WDR89: variants seen among roughly 807,000 people sequenced by gnomAD.
WDR89 encodes the protein WD repeat domain 89.
In WDR89, 17 loss-of-function variants were observed where a neutral mutation model predicts 29.1. The observed-to-expected ratio is 0.58, with a 90% CI of 0.40 to 0.88. WDR89 has a LOEUF of 0.88. WDR89 is among the 40% of genes least tolerant of loss of function. The probability of loss-of-function intolerance (pLI) is 0.00; values close to 1 mark genes in which losing one functional copy is unlikely to be tolerated. For missense variants in WDR89, 396 were observed against 456.3 expected (o/e 0.87, Z 1.20); for synonymous variants, 138 against 157.8 (o/e 0.87, Z 0.94).
At chr14:63,635,950 T>C (rs1362137216) in intron 1 of WDR89, among the ~76,000 whole-genome samples, 2 of 152,190 alleles carry the variant, frequency 1.3e-5, no homozygotes, top group Non-Finnish European at 2.9e-5. Context: ...CTCAAGCCTA[T>C]AATCCCAGCA....
At chr14:63,612,745 T>C (rs1366765498) in intron 2 of WDR89, among the ~76,000 whole-genome samples, 1 of 151,734 alleles carries the variant, frequency 6.6e-6, no homozygotes, top group Admixed American at 6.6e-5. Flanking sequence ...ACTGAGGGAG[T>C]TGGTAGGCAA....
chr14:63,602,946 T>C (rs922032732), intron 2 of WDR89, among the ~76,000 whole-genome samples: 2 of 152,066 alleles, frequency 1.3e-5, no homozygotes, highest in Admixed American at 6.6e-5. Flanking sequence ...TTAGTGGAGA[T>C]GGGGTTTCAC....
rs79023061 is a variant in WDR89 at position 63,637,299 on chromosome 14, T to A, written c.-138+4505A>T. Among the ~76,000 whole-genome samples the A allele has an allele frequency of 4.5e-3, 680 of 152,312 alleles. 7 individuals carry two copies. The highest frequency in any genetic ancestry group is 0.015 in the African/African-American group (641 of 41,552). ...GTGGATGTGGTAAACAGGGAACACT[T>A]CCGCACTGCTGGTGGGAATGTAAAC... On this transcript the variant is annotated intron_variant, in intron 1 of 2. Transcript: ENST00000620954.
rs185458911 is a variant in WDR89, at chr14:63,641,777, C to T, written c.-138+27G>A. ...GAGAGGGCTGCCCATCCCGGGGACCCGCCCAGCCTGGCCCAGCAAAATGTA... is the reference window on the plus strand; with the variant it reads ...GAGAGGGCTGCCCATCCCGGGGACCTGCCCAGCCTGGCCCAGCAAAATGTA... On this transcript the variant is annotated intron_variant, in intron 1 of 2. Coordinates refer to ENST00000620954, the MANE Select transcript of WDR89 (RefSeq NM_080666.4). The T allele has an allele frequency of 2.3e-3, 348 of 152,644 alleles. 2 individuals are homozygous for T. The highest frequency in any genetic ancestry group is 1.6e-3 in the Non-Finnish European group (111 of 68,264). 9.5% of individuals were successfully genotyped at this position (152,644 alleles called of 1,614,324 possible).
chr14:63,617,107 T>C (rs1595027227), intron 2 of WDR89, among the ~76,000 whole-genome samples: 1 of 147,780 alleles, frequency 6.8e-6, no homozygotes, highest in Non-Finnish European at 1.5e-5. Context: ...TGAGACAGAG[T>C]TTTGCTCTTG....
At chr14:63,626,275 A>C (rs929851959) in intron 1 of WDR89, among the ~76,000 whole-genome samples, 4 of 152,218 alleles carry the variant, frequency 2.6e-5, no homozygotes, top group African/African-American at 9.6e-5. Flanking sequence ...TCAAAGGTTA[A>C]TACCCTTACT....
intron 1 of WDR89, among the ~76,000 whole-genome samples, chr14:63,630,256 CAT>C (rs1273586175): frequency 4.0e-5 from 6 of 151,714 alleles, no homozygotes; most frequent in Non-Finnish European, 8.8e-5. Flanking sequence ...CCCAGAGTCA[CAT>C]ATTAAATTGC....
chr14:63,603,075 G>C (rs957446018), intron 2 of WDR89, among the ~76,000 whole-genome samples: 1 of 152,062 alleles, frequency 6.6e-6, no homozygotes, highest in Admixed American at 6.6e-5. Flanking sequence ...GTTTAAAATA[G>C]AAATAAGCAT....
At chr14:63,633,008 A>T (rs1883507593) in intron 1 of WDR89, among the ~76,000 whole-genome samples, 1 of 152,140 alleles carries the variant, frequency 6.6e-6, no homozygotes, top group South Asian at 2.1e-4. Flanking sequence ...TACTAACTAT[A>T]TGTTTCAGTT....
chr14:63,630,644 C>G (rs1239994667), intron 1 of WDR89: 1 of 80,832 alleles, frequency 1.2e-5, no homozygotes, highest in East Asian at 3.4e-4. Flanking sequence ...CTCTGTCTCA[C>G]AAAAAAAAAA....
chr14:63,610,830 T>A (rs1259643951), intron 2 of WDR89, among the ~76,000 whole-genome samples: 1 of 151,498 alleles, frequency 6.6e-6, no homozygotes, highest in Non-Finnish European at 1.5e-5. Context: ...GCCTCCTGAG[T>A]AGCTAAGATT....
intron 1 of WDR89, among the ~76,000 whole-genome samples, chr14:63,627,150 A>ACACACACACACACT (rs1433982075): frequency 5.5e-5 from 7 of 127,188 alleles, no homozygotes; most frequent in African/African-American, 2.2e-4. Context: ...ACACACACAC[A>ACACACACACACACT]CTCTCTCTCT....
At chr14:63,600,717 C>CAAAAAAAAAAAAA (rs56059698) in intron 2 of WDR89, among the ~76,000 whole-genome samples, 1 of 36,144 alleles carries the variant, frequency 2.8e-5, no homozygotes, top group African/African-American at 5.9e-5. Flanking sequence ...GATATGTAGG[C>CAAAAAAAAAAAAA]AAAAAAAAAA....
At chr14:63,628,125 T>G (rs1403912593) in intron 1 of WDR89, among the ~76,000 whole-genome samples, 7 of 152,054 alleles carry the variant, frequency 4.6e-5, no homozygotes, top group Non-Finnish European at 7.4e-5. Flanking sequence ...CAATCTCAGC[T>G]ACTTGGGGGA....
Position 63,605,665 on chromosome 14 carries a change from G to A in WDR89, c.-31-5692C>T, listed in dbSNP as rs561417700. ...AGTAGAGACAGGGTTTCACCACGTT[G>A]GCCAGGCTGATCTCGAACTCCTGAC... is the stretch of plus-strand genomic sequence containing the variant. On this transcript the variant is annotated intron_variant, in intron 2 of 2. Transcript: ENST00000620954. Among the ~76,000 whole-genome samples, 8 of 152,142 alleles carry A rather than the reference G, an allele frequency of 5.3e-5. No individual in the cohort carries two copies. In the South Asian group the frequency reaches 1.7e-3, roughly 32 times the overall value.
At position 63,597,596 on chromosome 14, in the gene WDR89, GTT is replaced by G. The variant is rs1894853372; in HGVS notation, c.*1181_*1182del. 6.6e-6 allele frequency: 1 copy of G among 151,950 alleles called. No individual in the cohort carries two copies. Among genetic ancestry groups the G allele is most frequent in the Non-Finnish European group, 1.5e-5 (1 of 67,978 alleles). 9.4% of individuals were successfully genotyped at this position (151,950 alleles called of 1,614,324 possible). On this transcript the variant is annotated 3_prime_UTR_variant, in exon 3 of 3. Coordinates refer to ENST00000620954, the MANE Select transcript of WDR89 (RefSeq NM_080666.4). ...ATTTTTAATTTTAAAAAGCCCTATT[GTT>G]TTAATAGTTTCACTTCCAATTGTTT...
intron 2 of WDR89, among the ~76,000 whole-genome samples, chr14:63,604,217 G>A (rs1051821209): frequency 1.3e-5 from 2 of 152,142 alleles, no homozygotes; most frequent in African/African-American, 2.4e-5. Flanking sequence ...TTGAGCCCAG[G>A]GGTTCGAGAC....
At chr14:63,637,914 A>G (rs1040183383) in intron 1 of WDR89, among the ~76,000 whole-genome samples, 2 of 152,092 alleles carry the variant, frequency 1.3e-5, no homozygotes, top group Admixed American at 1.3e-4. Flanking sequence ...TTACTCATAT[A>G]ACCAAATACC....
intron 1 of WDR89, among the ~76,000 whole-genome samples, chr14:63,632,356 C>T (rs1208473043): frequency 6.6e-6 from 1 of 151,888 alleles, no homozygotes; most frequent in Non-Finnish European, 1.5e-5. Context: ...GTAGGCCGGG[C>T]GTGATGGCTC....
Sources: allele counts gnomAD v4.1 joint callset (sites outside exome capture counted in the v4.1 genomes callset), GRCh38; gene constraint gnomAD v4.1.1; transcripts MANE v1.5; gene names NCBI Gene and HGNC (gene_info 2026-07-23, HGNC 2026-07-21).